Variants in STAT5B observed in about 807,000 individuals in gnomAD.
The protein encoded by STAT5B is transcription factor STAT5B.
A neutral mutation model predicts 107.8 loss-of-function variants in STAT5B; 21 were observed. The ratio of observed to expected loss-of-function variants is 0.19; its 90% CI spans 0.14 to 0.28. STAT5B has a LOEUF of 0.28. Among genes scored for constraint, STAT5B ranks in the 10% least tolerant of loss-of-function variants. The pLI, the probability that STAT5B is intolerant of heterozygous loss-of-function variation, is 1.00. For synonymous variants in STAT5B, 325 were observed against 401.7 expected, an observed-to-expected ratio of 0.81 and a Z score of 2.28; for missense variants, 565 against 1,008.2, an observed-to-expected ratio of 0.56 and a Z score of 5.95.
At chr17:42,251,870 G>A (rs551646647) in intron 1 of STAT5B, among the ~76,000 whole-genome samples, 3 of 151,774 alleles carry the variant, frequency 2.0e-5, no homozygotes, top group South Asian at 2.1e-4. Flanking sequence ...GTGGTGATGC[G>A]TGCCTGTAAT....
rs1598338970 is a variant in STAT5B at position 42,263,395 on chromosome 17, AAAAAG to A, written c.-11+12848_-11+12852del. 4.6e-5 allele frequency among the ~76,000 whole-genome samples: 7 copies of A among 152,286 alleles called. No individual in the cohort carries two copies. In the South Asian group the frequency reaches 8.3e-4, roughly 18 times the overall value. On this transcript the variant is annotated intron_variant, in intron 1 of 18. Transcript: ENST00000293328. ...ATCACAAACTCTTTTTTCTGCTTCTAAAAAGAAAACACTGATAACAAAAAACAAAT... is the reference window on the plus strand; with the variant it reads ...ATCACAAACTCTTTTTTCTGCTTCTAAAAACACTGATAACAAAAAACAAAT...
Position 42,244,817 on chromosome 17 carries a change from T to C in STAT5B, c.-10-12680A>G, listed in dbSNP as rs144267044. Among the ~76,000 whole-genome samples the C allele has an allele frequency of 6.1e-4, 93 of 152,330 alleles. 1 individual carries two copies. In the East Asian group the frequency reaches 0.013, roughly 21 times the overall value. On this transcript the variant is annotated intron_variant, in intron 1 of 18. Transcript: ENST00000293328. ...ATTAGACTATAATGTATTAATCTAA[T>C]GGGATATGGTGCAACCAGTTAAATG...
At chr17:42,216,868 G>A (rs187153410) in intron 11 of STAT5B, among the ~76,000 whole-genome samples, 1 of 151,986 alleles carries the variant, frequency 6.6e-6, no homozygotes, top group East Asian at 1.9e-4. Context: ...TAGTAGAGAT[G>A]GGGTTTCACT....
intron 11 of STAT5B, 151 bp downstream of exon 11, chr17:42,217,009 A>C: frequency 7.3e-7 from 1 of 1,365,580 alleles, no homozygotes; most frequent in Admixed American, 2.2e-5. Flanking sequence ...ACCTAAGTGA[A>C]ACAGTTCTCA....
At chr17:42,280,905 C>A (rs1043350238), upstream of STAT5B, among the ~76,000 whole-genome samples, 5 of 152,018 alleles carry the variant, frequency 3.3e-5, no homozygotes, top group African/African-American at 1.2e-4. Context: ...GAGGCCGAGG[C>A]GGGTGGGTCA....
intron 1 of STAT5B, 21 bp from the exon 2 acceptor site, chr17:42,232,158 G>T: frequency 6.2e-7 from 1 of 1,608,856 alleles, no homozygotes; most frequent in Non-Finnish European, 8.5e-7. Flanking sequence ...AACAATCAGT[G>T]CTTTGGGCGT....
intron 1 of STAT5B, among the ~76,000 whole-genome samples, chr17:42,258,629 A>C (rs1348578398): frequency 6.6e-6 from 1 of 152,278 alleles, no homozygotes; most frequent in Non-Finnish European, 1.5e-5. Flanking sequence ...CAGTGATCTG[A>C]GATCACGCCA....
chr17:42,216,411 A>G (rs1381290387), intron 11 of STAT5B, among the ~76,000 whole-genome samples: 1 of 152,264 alleles, frequency 6.6e-6, no homozygotes, highest in Non-Finnish European at 1.5e-5. Flanking sequence ...GAAAATACAA[A>G]TAACAAATTT....
upstream of STAT5B, chr17:42,276,465 G>A (rs1488696696): frequency 6.7e-6 from 1 of 148,560 alleles, no homozygotes; most frequent in Non-Finnish European, 1.5e-5. The surrounding 1 kb of genome is among the most constrained non-coding windows in gnomAD (Gnocchi z 4.8). Context: ...GCGCGCCGCT[G>A]GCAACCCGGA....
chr17:42,227,378 T>TA (rs75771968), intron 3 of STAT5B, 151 bp downstream of exon 3: 21,556 of 846,630 alleles, frequency 0.025, 4 homozygotes, highest in Middle Eastern at 0.033. Context: ...AAATAAAAAG[T>TA]AAAAAAAAAA....
intron 1 of STAT5B, among the ~76,000 whole-genome samples, chr17:42,259,214 C>T (rs1377826892): frequency 6.6e-6 from 1 of 152,158 alleles, no homozygotes; most frequent in Non-Finnish European, 1.5e-5. Context: ...GTTGCCCAGG[C>T]TGACTTGAAA....
intron 1 of STAT5B, among the ~76,000 whole-genome samples, chr17:42,237,763 C>A (rs2080368192): frequency 6.6e-6 from 1 of 152,168 alleles, no homozygotes; most frequent in African/African-American, 2.4e-5. Flanking sequence ...CTGAACTCAC[C>A]TAAATACGGT....
chr17:42,242,861 C>T (rs771896008), intron 1 of STAT5B, among the ~76,000 whole-genome samples: 1 of 152,030 alleles, frequency 6.6e-6, no homozygotes, highest in African/African-American at 2.4e-5. Context: ...GTGCTGTATC[C>T]ACTCAGGGTT....
In STAT5B at chr17:42,274,669, T is replaced by G. The variant is rs1351750555; in HGVS notation, c.-11+1579A>C. On this transcript the variant is annotated intron_variant, in intron 1 of 18. Coordinates refer to ENST00000293328, the MANE Select transcript of STAT5B (RefSeq NM_012448.4). ...TATTTACAGTGTTACAAAATGAAAT[T>G]TTAAAACATGAAAGGCACACTCAAT... Among the ~76,000 whole-genome samples the G allele has an allele frequency of 3.9e-5, 6 of 152,166 alleles. No individual in the cohort carries two copies. In the East Asian group the frequency reaches 9.6e-4, roughly 24 times the overall value.
intron 1 of STAT5B, among the ~76,000 whole-genome samples, chr17:42,263,390 C>T (rs1338618597): frequency 2.6e-5 from 4 of 151,982 alleles, no homozygotes; most frequent in Admixed American, 2.6e-4. Context: ...CTTTTTTCTG[C>T]TTCTAAAAAG....
At chr17:42,262,916 ATGTGTG>A (rs1279234652) in intron 1 of STAT5B, among the ~76,000 whole-genome samples, 13 of 114,424 alleles carry the variant, frequency 1.1e-4, no homozygotes, top group African/African-American at 3.2e-4. Context: ...GTGTATATAT[ATGTGTG>A]TATATATATA....
chr17:42,207,792 C>G (rs79817421), intron 15 of STAT5B, 64 bp from the exon 16 acceptor site: 2 of 1,548,826 alleles, frequency 1.3e-6, no homozygotes, highest in African/African-American at 2.7e-5. Context: ...ATCTTAAAAC[C>G]CCAACATACT....
At chr17:42,222,225 C>CT (rs1352350923) in intron 5 of STAT5B, among the ~76,000 whole-genome samples, 2 of 151,390 alleles carry the variant, frequency 1.3e-5, no homozygotes, top group Admixed American at 1.3e-4. Flanking sequence ...TTTGGAGGGG[C>CT]TGGGTGGTTG....
At chr17:42,210,594 T>C in intron 13 of STAT5B, 97 bp from the exon 14 acceptor site, 1 of 1,123,608 alleles carries the variant, frequency 8.9e-7, no homozygotes, top group Non-Finnish European at 1.3e-6. Flanking sequence ...GAAACAAACA[T>C]CTACCCTTGT....
Sources: gnomAD v4.1 joint callset for allele counts (sites outside exome capture counted in the v4.1 genomes callset) on GRCh38, gnomAD v4.1.1 for gene constraint, Gnocchi (gnomAD v3.1) non-coding constraint, MANE v1.5 for transcripts, NCBI Gene and HGNC (gene_info 2026-07-23, HGNC 2026-07-21) for gene names.